SP1: variants seen among roughly 807,000 people sequenced by gnomAD.
SP1 encodes the protein Sp1 transcription factor.
In SP1, 6 loss-of-function variants were observed where a neutral mutation model predicts 66.3. The ratio of observed to expected loss-of-function variants is 0.09; its 90% confidence interval spans 0.05 to 0.18. The LOEUF is 0.18. Among genes scored for constraint, SP1 ranks in the 10% least tolerant of loss-of-function variants. SP1 has a pLI of 1.00. For missense variants in SP1, 848 were observed against 964.5 expected, an observed-to-expected ratio of 0.88 and a Z score of 1.60; for synonymous variants, 417 against 360.8, an observed-to-expected ratio of 1.16 and a Z score of -1.77.
rs575560818 is a variant in SP1 at position 53,410,552 on chromosome 12, T to C, written c.2045-375T>C. ...GAGACAGAGTCTCTGTCGCCCAGGC[T>C]GGAGTGCAGTGGCGCGATCTCGGCT... On this transcript the variant is annotated intron_variant, in intron 5 of 5. Coordinates refer to ENST00000327443, the MANE Select transcript of SP1 (RefSeq NM_138473.3). 2.6e-5 allele frequency among the ~76,000 whole-genome samples: 4 copies of C among 151,980 alleles called. No homozygotes were observed. In the East Asian group the frequency reaches 7.8e-4, roughly 30 times the overall value.
intron 5 of SP1, among the ~76,000 whole-genome samples, chr12:53,410,333 G>A (rs1015258344): frequency 6.6e-6 from 1 of 151,848 alleles, no homozygotes; most frequent in African/African-American, 2.4e-5. Flanking sequence ...AAAATAAGGA[G>A]CTAGATTTTG....
chr12:53,384,743 G>A (rs1243114593), intron 3 of SP1, among the ~76,000 whole-genome samples: 2 of 151,328 alleles, frequency 1.3e-5, no homozygotes, highest in East Asian at 1.9e-4. Context: ...TGCAGGCACT[G>A]AGAAGACGAG....
chr12:53,382,241 A>C lies in SP1; in HGVS notation c.294A>C (p.Thr98=), dbSNP rs1291839567. 6.2e-7 allele frequency: 1 copy of C among 1,614,206 alleles called. No homozygotes were observed. The highest frequency in any genetic ancestry group is 8.5e-7 in the Non-Finnish European group (1 of 1,180,034). ...GGTGELDLTA[T]QLSQGANGWQ... ...CAGGTGAGCTTGACCTCACAGCCAC[A>C]CAACTTTCACAGGGTGCCAATGGCT... The change falls in exon 3 of 6, where the codon ACA becomes ACC. Residue 98 remains threonine, a synonymous_variant. Transcript: ENST00000327443.
chr12:53,398,481 C>T lies in SP1; in HGVS notation c.1676-8104C>T, dbSNP rs150570911. Among the ~76,000 whole-genome samples the T allele has an allele frequency of 1.3e-3, 196 of 152,336 alleles. 1 individual carries two copies. The Middle Eastern group carries it at 0.017, about 13-fold the overall frequency. ...TATTTTTAGTAGAGACAGGGTTTCA[C>T]CATGTTGGCCAGGCTTGTCTCAAAC... On this transcript the variant is annotated intron_variant, in intron 3 of 5. Transcript: ENST00000327443.
intron 3 of SP1, among the ~76,000 whole-genome samples, chr12:53,387,305 A>T (rs1043916343): frequency 6.6e-6 from 1 of 152,160 alleles, no homozygotes; most frequent in Non-Finnish European, 1.5e-5. Context: ...TACTTTTGTT[A>T]CCAAGTTCTC....
chr12:53,389,358 ACCACCACGCCTGGCTAATTTTT>A (rs1938301503), intron 3 of SP1, among the ~76,000 whole-genome samples: 1 of 150,998 alleles, frequency 6.6e-6, no homozygotes, highest in Non-Finnish European at 1.5e-5. Flanking sequence ...AGTAATGCCC[ACCACCACGCCTGGCTAATTTTT>A]GTATTTTTAA....
chr12:53,380,519 CGTGGCCT>C, intron 1 of SP1: 1 of 512,370 alleles, frequency 2.0e-6, no homozygotes, highest in Non-Finnish European at 2.8e-6. Context: ...GAGGGGGCAG[CGTGGCCT>C]CGCCCGCCCC....
intron 3 of SP1, among the ~76,000 whole-genome samples, chr12:53,385,737 AC>A (rs1938213442): frequency 6.6e-6 from 1 of 151,800 alleles, no homozygotes; most frequent in Non-Finnish European, 1.5e-5. Context: ...ATATGGTGAA[AC>A]CCCGTCTCTA....
At chr12:53,380,707 T>A in intron 1 of SP1, 1 of 944,228 alleles carries the variant, frequency 1.1e-6, no homozygotes, top group Non-Finnish European at 1.2e-6. Context: ...TCCAAGGCCC[T>A]CCTCCCCCCA....
chr12:53,394,409 CT>C (rs59816754), intron 3 of SP1, among the ~76,000 whole-genome samples: 8,107 of 114,538 alleles, frequency 0.071, 559 homozygotes, highest in African/African-American at 0.28. Flanking sequence ...TTAAAAGTAT[CT>C]TTTTTTTTTT....
chr12:53,397,535 G>C (rs1938516305), intron 3 of SP1, among the ~76,000 whole-genome samples: 1 of 147,778 alleles, frequency 6.8e-6, no homozygotes, highest in Non-Finnish European at 1.5e-5. Context: ...TGCAATCTTG[G>C]CTCACTGCAA....
Position 53,382,317 on chromosome 12 carries a change from A to G in SP1, c.370A>G (p.Ser124Gly). 6.2e-7 allele frequency: 1 copy of G among 1,614,190 alleles called. No homozygotes were observed. The highest frequency in any genetic ancestry group is 1.1e-5 in the South Asian group (1 of 91,082). ...GGCTACCCCTACCTCAAAGGAACAG[A>G]GTGGCAGCAGTACCAATGGCAGCAA... Reference protein sequence around the residue: ...SGATPTSKEQSGSSTNGSNGS... With the variant: ...SGATPTSKEQGGSSTNGSNGS... Residue 124 changes from serine (S) to glycine (G), a missense_variant, in exon 3 of 6, where the codon AGT becomes GGT. Physicochemically the swap from Ser to Gly is moderately conservative, Grantham distance 56. Around this residue, in one of 7 missense-constraint regions of SP1, gnomAD observed 606 missense variants for 589.9 expected, o/e 1.03. Transcript: ENST00000327443.
At chr12:53,384,483 C>G (rs1938182013) in intron 3 of SP1, among the ~76,000 whole-genome samples, 1 of 151,710 alleles carries the variant, frequency 6.6e-6, no homozygotes, top group Non-Finnish European at 1.5e-5. Context: ...CAAGGTTTTG[C>G]TATGTTGGCC....
intron 3 of SP1, among the ~76,000 whole-genome samples, chr12:53,396,776 G>A (rs917518083): frequency 4.6e-5 from 7 of 152,162 alleles, no homozygotes; most frequent in African/African-American, 1.7e-4. Context: ...TCTGGGTACT[G>A]TGTTAGATGT....
chr12:53,408,432 A>G (rs890615505), intron 4 of SP1, among the ~76,000 whole-genome samples: 9 of 150,296 alleles, frequency 6.0e-5, no homozygotes, highest in African/African-American at 2.2e-4. Flanking sequence ...GATGGGGACC[A>G]TGTTGATAAG....
intron 5 of SP1, among the ~76,000 whole-genome samples, chr12:53,410,666 C>G (rs551993150): frequency 6.6e-6 from 1 of 151,846 alleles, no homozygotes; most frequent in Admixed American, 6.6e-5. Context: ...CCACCACGCC[C>G]GGCTAATTTT....
chr12:53,381,602 C>T (rs1235576856), intron 1 of SP1, 57 bp from the exon 2 acceptor site: 16 of 1,485,800 alleles, frequency 1.1e-5, no homozygotes, highest in Non-Finnish European at 1.5e-5. Context: ...TTTATCCTTC[C>T]TACTTCATTT....
chr12:53,383,315 G>A lies in SP1; in HGVS notation c.1368G>A (p.Val456=), dbSNP rs759690308. The change falls in exon 3 of 6, where the codon GTG becomes GTA. Residue 456 remains valine (V), a synonymous_variant. Coordinates refer to ENST00000327443, the MANE Select transcript of SP1 (RefSeq NM_138473.3). ...CCATCATCATCCGGACACCAACAGT[G>A]GGGCCCAATGGACAGGTCAGTTGGC... is the stretch of plus-strand genomic sequence containing the variant. ...SGPIIIRTPT[V]GPNGQVSWQT... The A allele has an allele frequency of 1.2e-6, 2 of 1,614,188 alleles. No individual in the cohort carries two copies. Among genetic ancestry groups the A allele is most frequent in the Non-Finnish European group, 1.7e-6 (2 of 1,180,028 alleles).
At position 53,406,744 on chromosome 12, in the gene SP1, G is replaced by A. The variant is rs779541987; in HGVS notation, c.1835G>A (p.Ser612Asn). 1.2e-6 allele frequency: 2 copies of A among 1,612,972 alleles called. No homozygotes were observed. Among genetic ancestry groups the A allele is most frequent in the Non-Finnish European group, 1.7e-6 (2 of 1,179,562 alleles). The change falls in exon 4 of 6, where the codon AGT becomes AAT. Residue 612 changes from serine to asparagine, a missense_variant. Transcript: ENST00000327443. ...EACTCPYCKD[S>N]EGRGSGDPGK... ...TGCACCTGCCCCTACTGTAAAGACA[G>A]TGAAGGAAGGTGAGTTGACCCAGCC...
Sources: allele counts gnomAD v4.1 joint callset (sites outside exome capture counted in the v4.1 genomes callset), GRCh38; gene constraint gnomAD v4.1.1; regional missense constraint gnomAD v4.1.1; transcripts MANE v1.5; gene names NCBI Gene and HGNC (gene_info 2026-07-23, HGNC 2026-07-21).